Variants in GRIK1 observed in about 807,000 individuals in gnomAD.
GRIK1 encodes the protein glutamate receptor ionotropic, kainate 1.
In GRIK1, 69 loss-of-function variants were observed where a neutral mutation model predicts 105.7. The ratio of observed to expected loss-of-function variants is 0.65; its 90% confidence interval spans 0.54 to 0.80. The LOEUF is 0.80. Among genes scored for constraint, GRIK1 ranks in the 30% least tolerant of loss-of-function variants. The pLI is 0.00. For missense variants in GRIK1, 1,109 were observed against 1,167.3 expected, an observed-to-expected ratio of 0.95 and a Z score of 0.73; for synonymous variants, 438 against 431.3, an observed-to-expected ratio of 1.02 and a Z score of -0.19.
At chr21:29,871,312 C>T (rs1194370671) in intron 1 of GRIK1, among the ~76,000 whole-genome samples, 1 of 152,140 alleles carries the variant, frequency 6.6e-6, no homozygotes, top group African/African-American at 2.4e-5. Context: ...TGTGAAGCAT[C>T]CTGCAAAGCC....
chr21:29,675,094 A>G (rs191584273), intron 3 of GRIK1, among the ~76,000 whole-genome samples: 16 of 152,354 alleles, frequency 1.1e-4, no homozygotes, highest in Non-Finnish European at 1.5e-4. Context: ...TGTAACCATT[A>G]TTACTATTAT....
chr21:29,696,571 C>T (rs1288203728), intron 1 of GRIK1, among the ~76,000 whole-genome samples: 3 of 152,214 alleles, frequency 2.0e-5, no homozygotes, highest in African/African-American at 7.2e-5. Flanking sequence ...CGTCTTACTG[C>T]CACCATCTAG....
intron 12 of GRIK1, chr21:29,582,265 T>A (rs1263036934): frequency 6.5e-6 from 3 of 459,498 alleles, no homozygotes; most frequent in Non-Finnish European, 1.4e-5. Flanking sequence ...CACTGCAGAA[T>A]TTCAAATTCA....
chr21:29,675,279 T>C (rs1601426160), intron 3 of GRIK1, among the ~76,000 whole-genome samples: 1 of 152,314 alleles, frequency 6.6e-6, no homozygotes, highest in Non-Finnish European at 1.5e-5. Context: ...GCTTAGGACT[T>C]GTTGATGAGA....
chr21:29,820,661 A>G (rs980351333), intron 1 of GRIK1, among the ~76,000 whole-genome samples: 2 of 4,446 alleles, frequency 4.5e-4, no homozygotes, highest in African/African-American at 1.9e-3. Context: ...CTATGGGACT[A>G]TAGTTCTCCC....
intron 1 of GRIK1, among the ~76,000 whole-genome samples, chr21:29,760,968 A>G (rs1004927778): frequency 6.6e-6 from 1 of 152,326 alleles, no homozygotes. Flanking sequence ...AATTTCCAAA[A>G]TTTTGTGGGC....
At chr21:29,611,393 A>G (rs1431947893) in intron 7 of GRIK1, among the ~76,000 whole-genome samples, 2 of 152,208 alleles carry the variant, frequency 1.3e-5, no homozygotes, top group East Asian at 3.8e-4. Flanking sequence ...CTGTTGGACT[A>G]TATAACCACT....
intron 9 of GRIK1, among the ~76,000 whole-genome samples, chr21:29,592,932 A>G (rs1337124949): frequency 6.6e-6 from 1 of 152,174 alleles, no homozygotes; most frequent in African/African-American, 2.4e-5. Flanking sequence ...CTTGGTCCCT[A>G]AATATGTTCC....
chr21:29,784,359 T>C (rs903464915), intron 1 of GRIK1, among the ~76,000 whole-genome samples: 1 of 152,210 alleles, frequency 6.6e-6, no homozygotes, highest in Non-Finnish European at 1.5e-5. Flanking sequence ...GCGTTTGGTT[T>C]TCTGACAGAT....
At chr21:29,904,280 A>G (rs918646576) in intron 1 of GRIK1, among the ~76,000 whole-genome samples, 2 of 152,110 alleles carry the variant, frequency 1.3e-5, no homozygotes, top group Non-Finnish European at 2.9e-5. Context: ...ATAATCATTA[A>G]AAAAAGAAAA....
At chr21:29,643,046 G>A (rs1286726406) in intron 6 of GRIK1, 77 bp from the exon 7 acceptor site, 5 of 1,367,188 alleles carry the variant, frequency 3.7e-6, no homozygotes, top group Non-Finnish European at 5.2e-6. Context: ...CACTCTCCCT[G>A]CTTCCATAGC....
intron 16 of GRIK1, chr21:29,553,666 G>A (rs1209824791): frequency 1.2e-6 from 2 of 1,605,644 alleles, no homozygotes; most frequent in African/African-American, 2.7e-5. Context: ...TGGTTGGATG[G>A]GTTTGCTTAC....
At chr21:29,786,294 A>G (rs2066260560) in intron 1 of GRIK1, among the ~76,000 whole-genome samples, 1 of 152,150 alleles carries the variant, frequency 6.6e-6, no homozygotes, top group Admixed American at 6.5e-5. Flanking sequence ...GCCTCAGTGT[A>G]TCTTACATGG....
intron 1 of GRIK1, among the ~76,000 whole-genome samples, chr21:29,912,180 TC>T (rs1304759739): frequency 2.6e-5 from 4 of 152,054 alleles, no homozygotes; most frequent in Non-Finnish European, 5.9e-5. Context: ...CATTATAAAT[TC>T]CCCTTGATCA....
intron 1 of GRIK1, among the ~76,000 whole-genome samples, chr21:29,699,762 C>T (rs146743431): frequency 6.6e-5 from 10 of 152,000 alleles, no homozygotes; most frequent in Middle Eastern, 6.8e-3. Context: ...AATTCTCCTG[C>T]CTCAGCCTCC....
intron 1 of GRIK1, among the ~76,000 whole-genome samples, chr21:29,722,445 A>G (rs940366782): frequency 6.6e-6 from 1 of 151,988 alleles, no homozygotes; most frequent in African/African-American, 2.4e-5. Flanking sequence ...AGTCCCAGCT[A>G]CTCAGGTGGG....
Position 29,850,486 on chromosome 21 carries a change from C to T in GRIK1, c.118+88897G>A, listed in dbSNP as rs536454579. Among the ~76,000 whole-genome samples the T allele has an allele frequency of 2.8e-4, 42 of 152,252 alleles. 1 individual carries two copies. In the South Asian group the frequency reaches 8.7e-3, roughly 32 times the overall value. The stretch of plus-strand genomic sequence containing the variant: ...TGTACCCAATCTCAGATATCCTCTC[C>T]CCTGGCCACTCCTATTCAAAGCAAC... On this transcript the variant is annotated intron_variant, in intron 1 of 17. Transcript: ENST00000327783.
intron 1 of GRIK1, among the ~76,000 whole-genome samples, chr21:29,885,504 T>G (rs1466447670): frequency 6.6e-6 from 1 of 152,104 alleles, no homozygotes; most frequent in Non-Finnish European, 1.5e-5. Context: ...AGCCCTTGAT[T>G]AAATACAGCA....
intron 1 of GRIK1, among the ~76,000 whole-genome samples, chr21:29,894,888 A>G (rs2070066125): frequency 6.6e-6 from 1 of 152,166 alleles, no homozygotes; most frequent in Admixed American, 6.5e-5. Context: ...ACAGATGGTA[A>G]ATTCCTTGAA....
Sources: gnomAD v4.1 joint callset for allele counts (sites outside exome capture counted in the v4.1 genomes callset) on GRCh38, gnomAD v4.1.1 for gene constraint, MANE v1.5 for transcripts, NCBI Gene and HGNC (gene_info 2026-07-23, HGNC 2026-07-21) for gene names.